Variants in PPFIA2 observed in about 807,000 individuals in gnomAD.
PPFIA2 encodes PPFI scaffold protein A2, also known as liprin-alpha-2.
A neutral mutation model predicts 175.5 loss-of-function variants in PPFIA2; 46 were observed. That is an observed-to-expected ratio of 0.26 (90% CI 0.21 to 0.34). The LOEUF (loss-of-function observed/expected upper bound fraction) is 0.34, where lower values mean the gene tolerates loss of function less well. Ranked by LOEUF, PPFIA2 falls within the 10% of genes least tolerant of loss-of-function variation. The probability of loss-of-function intolerance (pLI) is 1.00; values close to 1 mark genes in which losing one functional copy is unlikely to be tolerated. For missense variants in PPFIA2, 1,179 were observed against 1,506.1 expected, an observed-to-expected ratio of 0.78 and a Z score of 3.60; for synonymous variants, 568 against 511.4, an observed-to-expected ratio of 1.11 and a Z score of -1.49.
chr12:81,509,451 T>A (rs2147739978), intron 4 of PPFIA2, among the ~76,000 whole-genome samples: 1 of 152,292 alleles, frequency 6.6e-6, no homozygotes, highest in South Asian at 2.1e-4. Context: ...AACAAGCTTT[T>A]ATTTGCAGGC....
chr12:81,480,244 G>T (rs2058045793), intron 4 of PPFIA2, among the ~76,000 whole-genome samples: 1 of 151,950 alleles, frequency 6.6e-6, no homozygotes, highest in African/African-American at 2.4e-5. Flanking sequence ...CTCGTGTTGT[G>T]TTTTTTAGCT....
chr12:81,483,415 T>A (rs1045292663), intron 4 of PPFIA2, among the ~76,000 whole-genome samples: 1 of 152,086 alleles, frequency 6.6e-6, no homozygotes, highest in Non-Finnish European at 1.5e-5. Context: ...CAAAGATTAA[T>A]CTTGAAAGCA....
intron 4 of PPFIA2, among the ~76,000 whole-genome samples, chr12:81,611,293 C>G (rs1346832640): frequency 6.6e-6 from 1 of 152,128 alleles, no homozygotes; most frequent in African/African-American, 2.4e-5. Context: ...GAGGCATACT[C>G]CACTCCTACC....
chr12:81,281,416 T>C lies in PPFIA2; in HGVS notation c.3053A>G (p.Asp1018Gly), dbSNP rs1006291064. ...ATTTCCAATCCACTCATGATTCATA[T>C]CTCCATAAGCCAGGGTCTGTAGAAA... is the stretch of plus-strand genomic sequence containing the variant. ...PVFLQTLAYG[D>G]MNHEWIGNEW... Residue 1018 changes from aspartate to glycine, a missense_variant, in exon 27 of 33, where the codon GAT (aspartate) becomes GGT (glycine). Transcript: ENST00000549396. 1.2e-6 allele frequency: 2 copies of C among 1,611,184 alleles called. No homozygotes were observed. Among genetic ancestry groups the C allele is most frequent in the Non-Finnish European group, 1.7e-6 (2 of 1,178,030 alleles).
chr12:81,500,757 T>C (rs1294570716), intron 4 of PPFIA2, among the ~76,000 whole-genome samples: 2 of 152,222 alleles, frequency 1.3e-5, no homozygotes, highest in African/African-American at 2.4e-5. Flanking sequence ...TGTGTGCTAA[T>C]GACAATCCTA....
At chr12:81,752,138 C>T (rs1020421412) in intron 3 of PPFIA2, among the ~76,000 whole-genome samples, 3 of 152,154 alleles carry the variant, frequency 2.0e-5, no homozygotes, top group Non-Finnish European at 4.4e-5. Context: ...CAATTAGAAA[C>T]TTCAGTTGAC....
At chr12:81,598,308 G>A (rs2059463480) in intron 4 of PPFIA2, 1 of 1,186,310 alleles carries the variant, frequency 8.4e-7, no homozygotes, top group Non-Finnish European at 1.0e-6. Flanking sequence ...AAAAAAGCAA[G>A]AACCAACGAT....
rs374396826 is a variant in PPFIA2, at chr12:81,750,438, G to A, written c.249+3535C>T. Among the ~76,000 whole-genome samples, 4 of 115,078 alleles carry A rather than the reference G, an allele frequency of 3.5e-5. 1 individual carries two copies. The East Asian group carries it at 8.9e-4, about 26-fold the overall frequency. 75.5% of individuals were successfully genotyped at this position (115,078 alleles called of 152,430 possible). A position where few individuals can be genotyped will look rare whatever the true frequency, so the allele number is the denominator to read the frequency against. On this transcript the variant is annotated intron_variant, in intron 3 of 32. Coordinates refer to ENST00000549396, the MANE Select transcript of PPFIA2 (RefSeq NM_003625.5). ...AGAAGGAAGAAAGCACCAACTATAA[G>A]GACCCTTAAGGTGCCTAAGTAAGGA...
intron 3 of PPFIA2, among the ~76,000 whole-genome samples, chr12:81,697,459 G>A (rs1045728495): frequency 6.6e-6 from 1 of 151,954 alleles, no homozygotes; most frequent in Non-Finnish European, 1.5e-5. Flanking sequence ...AAAAAGCCAT[G>A]GAAATTAAGT....
Position 81,267,914 on chromosome 12 carries a change from G to T in PPFIA2, c.3484C>A (p.Gln1162Lys). ...LLLQIPTQNT[Q>K]ARQILEREYN... ...GACTACAGCAGAAAGTGACTTGCCT[G>T]GGTGTTCTGTGTTGGAATCTGTAAT... The change falls in exon 29 of 33, where the codon CAG becomes AAG. Residue 1162 changes from glutamine to lysine, a missense_variant and splice_region_variant. Physicochemically the swap from Gln to Lys is moderately conservative, Grantham distance 53. Around this residue, in one of 10 missense-constraint regions of PPFIA2, gnomAD observed 245 missense variants for 375.1 expected, o/e 0.65. Transcript: ENST00000549396. 3 of 1,588,394 alleles carry T rather than the reference G, an allele frequency of 1.9e-6. No homozygotes were observed. Among genetic ancestry groups the T allele is most frequent in the Non-Finnish European group, 2.6e-6 (3 of 1,165,716 alleles).
At chr12:81,611,082 T>A (rs1289323376) in intron 4 of PPFIA2, among the ~76,000 whole-genome samples, 1 of 152,114 alleles carries the variant, frequency 6.6e-6, no homozygotes, top group East Asian at 1.9e-4. Context: ...TCCCTGACTC[T>A]TCTACTTCCT....
chr12:81,680,480 C>G (rs1567840573), intron 3 of PPFIA2, among the ~76,000 whole-genome samples: 1 of 151,910 alleles, frequency 6.6e-6, no homozygotes. Context: ...AACAGTTTCA[C>G]CCTGGTACCC....
intron 2 of PPFIA2, among the ~76,000 whole-genome samples, chr12:81,757,377 A>AC (rs1178946019): frequency 6.6e-6 from 1 of 152,142 alleles, no homozygotes; most frequent in Non-Finnish European, 1.5e-5. Flanking sequence ...TTGCCTTGAT[A>AC]TTTGCTTTTT....
intron 4 of PPFIA2, among the ~76,000 whole-genome samples, chr12:81,468,571 G>C (rs747649660): frequency 6.6e-6 from 1 of 152,176 alleles, no homozygotes; most frequent in East Asian, 1.9e-4. Flanking sequence ...ACACAAAATA[G>C]CATTCGAGCT....
chr12:81,688,806 T>TAC (rs140713266), intron 3 of PPFIA2, among the ~76,000 whole-genome samples: 1 of 146,840 alleles, frequency 6.8e-6, no homozygotes, highest in African/African-American at 2.5e-5. Context: ...TTATTAAATA[T>TAC]ATATATATAT....
Position 81,642,727 on chromosome 12 carries a change from A to AATG in PPFIA2, c.303+34063_303+34064insCAT, listed in dbSNP as rs2065307342. ...ATATGTATGTATGTATTATATACAT[A>AATG]CATGTATATGTATGTATGTATTATA... On this transcript the variant is annotated intron_variant, in intron 4 of 32. Transcript: ENST00000549396. Among the ~76,000 whole-genome samples the AATG allele has an allele frequency of 2.5e-5, 2 of 81,276 alleles. 1 individual carries two copies. Among genetic ancestry groups the AATG allele is most frequent in the African/African-American group, 8.5e-5 (2 of 23,534 alleles). 53.3% of individuals were successfully genotyped at this position (81,276 alleles called of 152,430 possible).
chr12:81,418,491 A>G (rs1296602075), intron 7 of PPFIA2, among the ~76,000 whole-genome samples: 1 of 151,998 alleles, frequency 6.6e-6, no homozygotes, highest in African/African-American at 2.4e-5. Flanking sequence ...TGTGTAAATT[A>G]TAAGAAATTC....
chr12:81,549,133 G>C (rs1018488885), intron 4 of PPFIA2, among the ~76,000 whole-genome samples: 1 of 152,000 alleles, frequency 6.6e-6, no homozygotes, highest in Non-Finnish European at 1.5e-5. Flanking sequence ...ATCCCTTAGA[G>C]ATATCTGCCT....
intron 4 of PPFIA2, among the ~76,000 whole-genome samples, chr12:81,524,723 G>C (rs947457800): frequency 6.6e-6 from 1 of 152,180 alleles, no homozygotes; most frequent in Non-Finnish European, 1.5e-5. Context: ...TGAAATGAAT[G>C]CATTTTACAT....
Sources: gnomAD v4.1 joint callset for allele counts (sites outside exome capture counted in the v4.1 genomes callset) on GRCh38, gnomAD v4.1.1 for gene constraint, gnomAD v4.1.1 regional missense constraint, MANE v1.5 for transcripts, NCBI Gene and HGNC (gene_info 2026-07-23, HGNC 2026-07-21) for gene names.